ABI3BP: variants seen among roughly 807,000 people sequenced by gnomAD.
ABI3BP encodes the protein ABI family member 3 binding protein.
A neutral mutation model predicts 268.6 loss-of-function variants in ABI3BP; 216 were observed. That is an observed-to-expected ratio of 0.80 (90% confidence interval 0.72 to 0.90). The LOEUF (loss-of-function observed/expected upper bound fraction) is 0.90, where lower values mean the gene tolerates loss of function less well. Ranked by LOEUF, ABI3BP falls within the 40% of genes least tolerant of loss-of-function variation. ABI3BP has a pLI of 0.00. For missense variants in ABI3BP, 2,090 were observed against 2,182.4 expected, an observed-to-expected ratio of 0.96 and a Z score of 0.84; for synonymous variants, 730 against 730.0, an observed-to-expected ratio of 1.00 and a Z score of 0.00.
At chr3:100,789,613 C>G in intron 55 of ABI3BP, 97 bp from the exon 56 acceptor site, 1 of 1,162,394 alleles carries the variant, frequency 8.6e-7, no homozygotes, top group Admixed American at 2.3e-5. Context: ...ATACACTTTG[C>G]ATGGACGTAT....
At position 100,825,898 on chromosome 3, in the gene ABI3BP, T is replaced by C. The variant is rs1413779731; in HGVS notation, c.2603-54A>G. ...GGTAAAAAATGTGTGGGAGCTATAG[T>C]ATTCACATCAAAACGTATCTTGCTT... On this transcript the variant is annotated intron_variant, in intron 34 of 67. Transcript: ENST00000471714. 6 of 1,288,570 alleles carry C rather than the reference T, an allele frequency of 4.7e-6. No individual in the cohort carries two copies. The East Asian group carries it at 1.0e-4, about 22-fold the overall frequency. 79.8% of individuals were successfully genotyped at this position (1,288,570 alleles called of 1,614,324 possible).
intron 24 of ABI3BP, 72 bp downstream of exon 24, chr3:100,839,497 C>A: frequency 1.4e-6 from 2 of 1,445,454 alleles, no homozygotes; most frequent in Non-Finnish European, 1.9e-6. Flanking sequence ...TGCAGTCATG[C>A]CTGTAATGGA....
chr3:100,833,049 A>G, intron 30 of ABI3BP, 76 bp downstream of exon 30: 1 of 1,237,400 alleles, frequency 8.1e-7, no homozygotes, highest in Non-Finnish European at 1.1e-6. Flanking sequence ...ATGGTACAAT[A>G]GCCTATATAG....
chr3:100,792,568 T>G, intron 55 of ABI3BP, 123 bp downstream of exon 55: 1 of 989,734 alleles, frequency 1.0e-6, no homozygotes, highest in South Asian at 1.5e-5. Flanking sequence ...CTTTCACCTA[T>G]AAAATGACAA....
intron 57 of ABI3BP, among the ~76,000 whole-genome samples, chr3:100,787,087 G>A (rs887637463): frequency 1.3e-5 from 2 of 151,894 alleles, no homozygotes; most frequent in Non-Finnish European, 2.9e-5. Flanking sequence ...CTATGTTAAG[G>A]CATCTAAATA....
intron 33 of ABI3BP, among the ~76,000 whole-genome samples, 175 bp downstream of exon 33, chr3:100,829,406 T>C (rs1031283391): frequency 6.6e-6 from 1 of 152,110 alleles, no homozygotes; most frequent in African/African-American, 2.4e-5. Flanking sequence ...GTAAATTAAA[T>C]AGATGCTGAG....
intron 40 of ABI3BP, among the ~76,000 whole-genome samples, chr3:100,819,655 A>T (rs943422536): frequency 6.6e-6 from 1 of 152,126 alleles, no homozygotes; most frequent in East Asian, 1.9e-4. Flanking sequence ...ATGAAATAAA[A>T]AGTAGTAAAT....
At chr3:100,787,139 A>G (rs1029465479) in intron 57 of ABI3BP, among the ~76,000 whole-genome samples, 2 of 152,180 alleles carry the variant, frequency 1.3e-5, no homozygotes, top group African/African-American at 4.8e-5. Flanking sequence ...AATATTTATT[A>G]GATCAGTGTC....
intron 2 of ABI3BP, among the ~76,000 whole-genome samples, chr3:100,921,745 CAGTA>C (rs1188796228): frequency 1.3e-5 from 2 of 152,028 alleles, no homozygotes; most frequent in East Asian, 3.8e-4. Flanking sequence ...CATGGAAAAG[CAGTA>C]AGTGACTTGA....
intron 2 of ABI3BP, among the ~76,000 whole-genome samples, chr3:100,909,317 C>T (rs2055111010): frequency 6.6e-6 from 1 of 152,058 alleles, no homozygotes; most frequent in Non-Finnish European, 1.5e-5. Context: ...TAGAAGAAAA[C>T]CGAGGCAATA....
chr3:100,878,110 C>T (rs935146984), intron 6 of ABI3BP, among the ~76,000 whole-genome samples: 1 of 152,082 alleles, frequency 6.6e-6, no homozygotes, highest in African/African-American at 2.4e-5. Flanking sequence ...TAATCAAAGA[C>T]AGTGTTTATT....
At chr3:100,817,395 TAAG>T in intron 42 of ABI3BP, 38 bp downstream of exon 42, 1 of 1,367,502 alleles carries the variant, frequency 7.3e-7, no homozygotes, top group Middle Eastern at 1.8e-4. Flanking sequence ...GATTTGAAAA[TAAG>T]GAGGAAAAAG....
intron 4 of ABI3BP, among the ~76,000 whole-genome samples, chr3:100,893,484 G>C (rs2045739144): frequency 6.6e-6 from 1 of 152,050 alleles, no homozygotes; most frequent in Non-Finnish European, 1.5e-5. Context: ...AAATGTCAAA[G>C]AAAGAAAGAG....
chr3:100,754,750 A>G, intron 63 of ABI3BP, 59 bp from the exon 64 acceptor site: 3 of 1,370,034 alleles, frequency 2.2e-6, no homozygotes, highest in Non-Finnish European at 3.1e-6. Flanking sequence ...AGGAGGCAAC[A>G]TTGCCCTATT....
chr3:100,843,534 TGTGTGTGTGAGAGAGAGAGAGA>T, intron 20 of ABI3BP: 2 of 953,406 alleles, frequency 2.1e-6, no homozygotes, highest in Non-Finnish European at 2.5e-6. Context: ...TGTGTGTGTG[TGTGTGTGTGAGAGAGAGAGAGA>T]GAGAGAGAGA....
chr3:100,759,152 A>T (rs374928500), intron 63 of ABI3BP, among the ~76,000 whole-genome samples: 40 of 152,336 alleles, frequency 2.6e-4, no homozygotes, highest in African/African-American at 9.6e-4. Flanking sequence ...TTATATAGAA[A>T]GTCTACCCTA....
At position 100,810,445 on chromosome 3, in the gene ABI3BP, G is replaced by C. The variant is rs1157371898; in HGVS notation, c.3574C>G (p.Leu1192Val). ...GTCTGAGGCTCATCTGGGCTGGGTA[G>C]GGTTATAGATTGAGAAGGCAGAGGC... ...TSPLPSQSIT[L>V]PSPDEPQTEP... Residue 1192 changes from leucine (L) to valine (V), a missense_variant, in exon 49 of 68, where the codon CTA becomes GTA. Physicochemically the swap from Leu to Val is conservative, Grantham distance 32. Transcript: ENST00000471714. 6.5e-7 allele frequency: 1 copy of C among 1,535,016 alleles called. No homozygotes were observed. Among genetic ancestry groups the C allele is most frequent in the Non-Finnish European group, 8.7e-7 (1 of 1,146,122 alleles).
chr3:100,771,832 A>G (rs1296844759), intron 61 of ABI3BP, among the ~76,000 whole-genome samples: 1 of 152,162 alleles, frequency 6.6e-6, no homozygotes, highest in Non-Finnish European at 1.5e-5. Flanking sequence ...GTGAGCAGAA[A>G]AAAATATTTT....
In ABI3BP at chr3:100,780,242, T is replaced by C. The variant is rs770285762; in HGVS notation, c.4163-33A>G. 10 of 1,597,646 alleles carry C rather than the reference T, an allele frequency of 6.3e-6. No individual in the cohort carries two copies. In the South Asian group the frequency reaches 9.0e-5, roughly 14 times the overall value. ...CAGAGATAATGAAAGGGAATAAACA[T>C]ATAGCAAAAATGTTCCATGGAAACT... On this transcript the variant is annotated intron_variant, in intron 57 of 67. Transcript: ENST00000471714.
Sources: gnomAD v4.1 joint callset for allele counts (sites outside exome capture counted in the v4.1 genomes callset) on GRCh38, gnomAD v4.1.1 for gene constraint, MANE v1.5 for transcripts, NCBI Gene and HGNC (gene_info 2026-07-23, HGNC 2026-07-21) for gene names.